TMEM132D: variants seen among roughly 807,000 people sequenced by gnomAD.
TMEM132D encodes transmembrane protein 132D.
In TMEM132D, 21 loss-of-function variants were observed where a neutral mutation model predicts 62.3. The ratio of observed to expected loss-of-function variants is 0.34; its 90% CI spans 0.24 to 0.49. TMEM132D has a LOEUF of 0.49. Ranked by LOEUF, TMEM132D falls within the 20% of genes least tolerant of loss-of-function variation. TMEM132D has a pLI of 0.99. For missense variants in TMEM132D, 1,346 were observed against 1,402.8 expected, an observed-to-expected ratio of 0.96 and a Z score of 0.65; for synonymous variants, 621 against 575.6, an observed-to-expected ratio of 1.08 and a Z score of -1.13.
chr12:129,678,997 T>A (rs1253545050), intron 2 of TMEM132D, among the ~76,000 whole-genome samples: 1 of 152,026 alleles, frequency 6.6e-6, no homozygotes, highest in Non-Finnish European at 1.5e-5. Flanking sequence ...AGTATCATAC[T>A]ATTTTAATTT....
At chr12:129,653,216 G>A (rs1361829488) in intron 2 of TMEM132D, among the ~76,000 whole-genome samples, 1 of 152,142 alleles carries the variant, frequency 6.6e-6, no homozygotes, top group African/African-American at 2.4e-5. Flanking sequence ...GGGCTGCATG[G>A]TTTGGGCATA....
At chr12:129,510,676 G>A (rs1017159636) in intron 3 of TMEM132D, among the ~76,000 whole-genome samples, 5 of 152,122 alleles carry the variant, frequency 3.3e-5, no homozygotes, top group African/African-American at 1.2e-4. Flanking sequence ...TCATTCTTCT[G>A]CACATGGATA....
At chr12:129,382,815 CA>C (rs531255394) in intron 3 of TMEM132D, among the ~76,000 whole-genome samples, 79 of 152,254 alleles carry the variant, frequency 5.2e-4, no homozygotes, top group African/African-American at 1.6e-3. Flanking sequence ...TACCCAAAGA[CA>C]GGGGGAGAAG....
intron 1 of TMEM132D, among the ~76,000 whole-genome samples, chr12:129,878,569 G>A (rs1222077389): frequency 1.5e-5 from 2 of 131,786 alleles, no homozygotes; most frequent in Non-Finnish European, 3.3e-5. Flanking sequence ...CCAAGTGTCT[G>A]CTGCAGATTG....
chr12:129,075,050 T>C lies in TMEM132D; in HGVS notation c.2125A>G (p.Ile709Val). 1.9e-6 allele frequency: 3 copies of C among 1,604,360 alleles called. No homozygotes were observed. The highest frequency in any genetic ancestry group is 2.5e-6 in the Non-Finnish European group (3 of 1,177,056). ...LLQRPKQEAA[I>V]SCWVQFSDGS... The stretch of plus-strand genomic sequence containing the variant: ...TCACTGAACTGGACCCAGCAACTGA[T>C]GGCTGCTTCCTATGGAGAAAAATAT... Residue 709 changes from isoleucine to valine, a missense_variant, in exon 9 of 9, where the codon ATC becomes GTC. By Grantham distance (29) the Ile-to-Val change is conservative. Transcript: ENST00000422113.
chr12:129,132,001 T>C (rs142133669), intron 5 of TMEM132D, among the ~76,000 whole-genome samples: 222 of 152,350 alleles, frequency 1.5e-3, no homozygotes, highest in African/African-American at 4.8e-3. Flanking sequence ...AAAACAAGAC[T>C]GCAGAGATTC....
At chr12:129,573,063 A>C (rs1160037562) in intron 2 of TMEM132D, among the ~76,000 whole-genome samples, 2 of 152,170 alleles carry the variant, frequency 1.3e-5, no homozygotes, top group African/African-American at 4.8e-5. Flanking sequence ...AACAATAAAT[A>C]AATCCATCTG....
At chr12:129,602,533 T>G (rs1565918880) in intron 2 of TMEM132D, among the ~76,000 whole-genome samples, 1 of 152,178 alleles carries the variant, frequency 6.6e-6, no homozygotes, top group Non-Finnish European at 1.5e-5. Context: ...AGTAGATTTA[T>G]ACCTATCCCA....
intron 2 of TMEM132D, among the ~76,000 whole-genome samples, chr12:129,646,535 G>A (rs1879782586): frequency 6.6e-6 from 1 of 152,140 alleles, no homozygotes; most frequent in South Asian, 2.1e-4. Context: ...GAAGTAGAGA[G>A]TAGTATAATG....
intron 1 of TMEM132D, among the ~76,000 whole-genome samples, chr12:129,868,812 T>C (rs1459114690): frequency 1.3e-5 from 2 of 152,126 alleles, no homozygotes; most frequent in Non-Finnish European, 2.9e-5. Flanking sequence ...CCAGGGTGTT[T>C]TGGCTACCAT....
chr12:129,244,302 C>T (rs1477653111), intron 4 of TMEM132D, among the ~76,000 whole-genome samples: 6 of 147,864 alleles, frequency 4.1e-5, no homozygotes, highest in South Asian at 4.4e-4. Context: ...AGGAGAATGG[C>T]GTGAGCCCGG....
At chr12:129,236,104 T>TTG (rs71072452) in intron 4 of TMEM132D, among the ~76,000 whole-genome samples, 25,687 of 146,594 alleles carry the variant, frequency 0.18, 2,198 homozygotes, top group South Asian at 0.22. Flanking sequence ...TGATGCTATT[T>TTG]TGTGTGTGTG....
Position 129,202,336 on chromosome 12 carries a change from C to A in TMEM132D, c.1443+7184G>T, listed in dbSNP as rs578101607. Among the ~76,000 whole-genome samples the A allele has an allele frequency of 7.6e-4, 116 of 152,322 alleles. 2 individuals are homozygous for A. The highest frequency in any genetic ancestry group is 3.7e-3 in the South Asian group (18 of 4,828). On this transcript the variant is annotated intron_variant, in intron 5 of 8. Transcript: ENST00000422113. ...CTCCAAATGACACCAACACATCACA[C>A]GTACCAGGTGACTCTTTGTCAACAT... is the stretch of plus-strand genomic sequence containing the variant.
intron 3 of TMEM132D, among the ~76,000 whole-genome samples, chr12:129,441,343 C>T (rs1345655823): frequency 6.6e-6 from 1 of 152,068 alleles, no homozygotes; most frequent in African/African-American, 2.4e-5. Flanking sequence ...AGGTGTTGCC[C>T]GCACGGTATG....
intron 5 of TMEM132D, among the ~76,000 whole-genome samples, chr12:129,194,379 T>C (rs1477475607): frequency 1.3e-5 from 2 of 152,204 alleles, no homozygotes; most frequent in East Asian, 1.9e-4. Flanking sequence ...ATAATGCATG[T>C]TCTCACTTAT....
intron 2 of TMEM132D, among the ~76,000 whole-genome samples, chr12:129,691,453 A>C (rs1254099354): frequency 3.3e-5 from 5 of 152,046 alleles, no homozygotes; most frequent in African/African-American, 1.2e-4. Flanking sequence ...AACAAGGAAA[A>C]AGGGAAGACA....
At chr12:129,664,698 T>A (rs1593111337) in intron 2 of TMEM132D, among the ~76,000 whole-genome samples, 2 of 152,244 alleles carry the variant, frequency 1.3e-5, no homozygotes, top group Admixed American at 6.5e-5. Context: ...GTGCTGGGAT[T>A]ACAGGTGTGA....
chr12:129,705,251 T>C (rs1433418012), intron 1 of TMEM132D, among the ~76,000 whole-genome samples: 7 of 151,980 alleles, frequency 4.6e-5, no homozygotes. Context: ...ACGAAAACAT[T>C]CCCGGGTTTA....
intron 3 of TMEM132D, among the ~76,000 whole-genome samples, chr12:129,393,178 C>A (rs767790132): frequency 6.6e-6 from 1 of 152,206 alleles, no homozygotes; most frequent in Non-Finnish European, 1.5e-5. Context: ...AAATTCAGCC[C>A]GTGGCTAGAA....
Sources: gnomAD v4.1 joint callset for allele counts (sites outside exome capture counted in the v4.1 genomes callset) on GRCh38, gnomAD v4.1.1 for gene constraint, MANE v1.5 for transcripts, NCBI Gene and HGNC (gene_info 2026-07-23, HGNC 2026-07-21) for gene names.